The following MYCBP2 variants were observed in gnomAD, a reference collection of about 807,000 sequenced individuals.
The protein encoded by MYCBP2 is E3 ubiquitin-protein ligase MYCBP2.
MYCBP2 carries 120 observed loss-of-function variants against 525.3 expected under a neutral mutation model. The observed-to-expected ratio is 0.23, with a 90% CI of 0.20 to 0.27. The LOEUF is 0.27. Among genes scored for constraint, MYCBP2 ranks in the 10% least tolerant of loss-of-function variants. The pLI, the probability that MYCBP2 is intolerant of heterozygous loss-of-function variation, is 1.00. For missense variants in MYCBP2, 4,149 were observed against 5,657.1 expected (o/e 0.73, Z 8.55); for synonymous variants, 1,894 against 1,955.8 (o/e 0.97, Z 0.83).
At position 77,262,686 on chromosome 13, in the gene MYCBP2, T is replaced by TAC. The variant is rs2073500918; in HGVS notation, c.1571-558_1571-557insGT. Among the ~76,000 whole-genome samples the TAC allele has an allele frequency of 2.0e-5, 3 of 152,004 alleles. No homozygotes were observed. The South Asian group carries it at 6.2e-4, about 31-fold the overall frequency. ...TATAGCTACTCCATCAATTCAAATA[T>TAC]ATATATATGTAAATATGCATATACA... is the stretch of plus-strand genomic sequence containing the variant. On this transcript the variant is annotated intron_variant, in intron 10 of 82. Transcript: ENST00000544440.
chr13:77,148,448 G>GT (rs1332590919), intron 47 of MYCBP2, among the ~76,000 whole-genome samples: 1 of 151,984 alleles, frequency 6.6e-6, no homozygotes, highest in Non-Finnish European at 1.5e-5. Context: ...GGCCTGTTCA[G>GT]TTTTTTACCT....
chr13:77,259,957 A>T (rs2072971427), intron 13 of MYCBP2, among the ~76,000 whole-genome samples: 1 of 152,228 alleles, frequency 6.6e-6, no homozygotes. Context: ...CCCAGGCACT[A>T]GAAAATAATT....
chr13:77,068,497 T>C (rs1253259623), intron 70 of MYCBP2, 68 bp downstream of exon 70: 1 of 1,553,640 alleles, frequency 6.4e-7, no homozygotes, highest in African/African-American at 1.4e-5. Context: ...TAATTCTCTT[T>C]GCATTGCAAC....
chr13:77,096,228 T>C (rs1594492507), intron 57 of MYCBP2, 84 bp downstream of exon 57: 1 of 1,298,130 alleles, frequency 7.7e-7, no homozygotes, highest in East Asian at 2.4e-5. Flanking sequence ...TGTGGAATTA[T>C]CTGATGTAGT....
At position 77,058,172 on chromosome 13, in the gene MYCBP2, C is replaced by A; in HGVS notation, c.13329+46G>T. 3 of 1,576,146 alleles carry A rather than the reference C, an allele frequency of 1.9e-6. No homozygotes were observed. Among genetic ancestry groups the A allele is most frequent in the Non-Finnish European group, 2.6e-6 (3 of 1,154,094 alleles). Reference sequence around the variant, plus strand: ...ATGTTTATTTGACAAATATATTCCCCATCTTAATGTCTGGATACATTCAAT... The same window carrying A: ...ATGTTTATTTGACAAATATATTCCCAATCTTAATGTCTGGATACATTCAAT... On this transcript the variant is annotated intron_variant, in intron 78 of 82. Transcript: ENST00000544440. The surrounding 1 kb of genome is among the most constrained non-coding windows in gnomAD (Gnocchi z 4.1).
intron 37 of MYCBP2, among the ~76,000 whole-genome samples, chr13:77,171,848 T>C (rs1056595198): frequency 6.6e-6 from 1 of 152,214 alleles, no homozygotes; most frequent in Non-Finnish European, 1.5e-5. Context: ...TTATTTTAAA[T>C]AAGATCAGTT....
chr13:77,264,902 A>G (rs1051725197), intron 8 of MYCBP2, among the ~76,000 whole-genome samples: 1 of 152,016 alleles, frequency 6.6e-6, no homozygotes, highest in Non-Finnish European at 1.5e-5. Context: ...TCCCAAAATA[A>G]CTGCAGAAAA....
At chr13:77,205,654 T>C (rs1006429312) in intron 24 of MYCBP2, 56 bp from the exon 25 acceptor site, 15 of 1,495,988 alleles carry the variant, frequency 1.0e-5, no homozygotes, top group East Asian at 2.3e-5. Flanking sequence ...TCCTATGGTA[T>C]TGATGACATT....
chr13:77,232,053 G>A (rs2067203429), intron 18 of MYCBP2, among the ~76,000 whole-genome samples: 2 of 152,018 alleles, frequency 1.3e-5, no homozygotes, highest in South Asian at 4.1e-4. Context: ...ATCTTAAGTT[G>A]TGCTCTATTT....
At chr13:77,211,920 A>G in intron 22 of MYCBP2, 36 bp downstream of exon 22, 3 of 1,494,162 alleles carry the variant, frequency 2.0e-6, no homozygotes, top group Non-Finnish European at 2.8e-6. Flanking sequence ...TCAAGACAAG[A>G]GTTTGGAAGG....
chr13:77,180,757 G>A (rs2060141125), intron 33 of MYCBP2, among the ~76,000 whole-genome samples: 1 of 151,922 alleles, frequency 6.6e-6, no homozygotes, highest in Admixed American at 6.6e-5. Flanking sequence ...TCTACAAAAT[G>A]TTTTTTTAAA....
At chr13:77,070,583 C>CAT in intron 69 of MYCBP2, 48 bp downstream of exon 69, 1 of 1,330,346 alleles carries the variant, frequency 7.5e-7, no homozygotes, top group Non-Finnish European at 1.1e-6. Flanking sequence ...AACACACACA[C>CAT]ACACACACAC....
At chr13:77,135,548 A>G (rs755344225) in intron 52 of MYCBP2, among the ~76,000 whole-genome samples, 2 of 152,210 alleles carry the variant, frequency 1.3e-5, no homozygotes, top group African/African-American at 4.8e-5. Flanking sequence ...GTCCCTGCCT[A>G]TGCCAGGCCT....
At chr13:77,075,435 C>T (rs928056500) in intron 68 of MYCBP2, 2 of 152,134 alleles carry the variant, frequency 1.3e-5, no homozygotes, top group African/African-American at 4.8e-5. Flanking sequence ...ATACACTCTC[C>T]CACCCTTAGG....
At chr13:77,201,166 C>T (rs987286937) in intron 26 of MYCBP2, among the ~76,000 whole-genome samples, 4 of 151,410 alleles carry the variant, frequency 2.6e-5, no homozygotes, top group African/African-American at 7.3e-5. Flanking sequence ...TGCAGAGACG[C>T]ATATAGGCTC....
At chr13:77,217,681 GT>G (rs2065013507) in intron 21 of MYCBP2, among the ~76,000 whole-genome samples, 158 bp downstream of exon 21, 1 of 152,040 alleles carries the variant, frequency 6.6e-6, no homozygotes, top group Non-Finnish European at 1.5e-5. Context: ...TATCATTCAG[GT>G]TTAGTGTGTG....
In MYCBP2 at chr13:77,150,897, T is replaced by C. The variant is rs193299926; in HGVS notation, c.6968A>G (p.Asp2323Gly). ...VSQKKMSLQQ[D>G]QAKKPQRIPG... Reference sequence around the variant, plus strand: ...AATCCTTTGAGGTTTCTTTGCTTGATCTTGTTGTAAAGACATTTTTTTCTG... The same window carrying C: ...AATCCTTTGAGGTTTCTTTGCTTGACCTTGTTGTAAAGACATTTTTTTCTG... Residue 2323 changes from aspartate (D) to glycine (G), a missense_variant, in exon 47 of 83, where the codon GAT (aspartate) becomes GGT (glycine). By Grantham distance (94) the Asp-to-Gly change is moderately conservative (BLOSUM62 -1). This residue lies in a region of MYCBP2 where 692 missense variants were observed against 852.7 expected (regional missense o/e 0.81). Transcript: ENST00000544440. The C allele has an allele frequency of 9.9e-6, 16 of 1,614,136 alleles. No homozygotes were observed. In the Admixed American group the frequency reaches 2.7e-4, roughly 27 times the overall value.
At position 77,090,260 on chromosome 13, in the gene MYCBP2, T is replaced by C. The variant is rs769614356; in HGVS notation, c.10371A>G (p.Leu3457=). Reference sequence around the variant, plus strand: ...CAGTATCAGTTATGGGACTGGTTTCTAAACTGTACATGGAACAATGCAACA... The same window carrying C: ...CAGTATCAGTTATGGGACTGGTTTCCAAACTGTACATGGAACAATGCAACA... ...ESNMKSMPPS[L]ETSPITDTDL... is the part of the protein sequence containing the mutation. The change falls in exon 60 of 83, where the codon TTA becomes TTG. Residue 3457 remains leucine (L), a synonymous_variant. Transcript: ENST00000544440. 6.2e-7 allele frequency: 1 copy of C among 1,609,778 alleles called. No homozygotes were observed. The highest frequency in any genetic ancestry group is 1.1e-5 in the South Asian group (1 of 90,236).
chr13:77,070,147 A>C (rs945618070), intron 69 of MYCBP2, among the ~76,000 whole-genome samples: 1 of 152,258 alleles, frequency 6.6e-6, no homozygotes, highest in Non-Finnish European at 1.5e-5. Context: ...CATAACAAAT[A>C]GCAGCAAGGT....
Sources: gnomAD v4.1 joint callset for allele counts (sites outside exome capture counted in the v4.1 genomes callset) on GRCh38, gnomAD v4.1.1 for gene constraint, gnomAD v4.1.1 regional missense constraint, Gnocchi (gnomAD v3.1) non-coding constraint, MANE v1.5 for transcripts, NCBI Gene and HGNC (gene_info 2026-07-23, HGNC 2026-07-21) for gene names.